The following RASGRP3 variants were observed in gnomAD, a reference collection of about 807,000 sequenced individuals.
The protein encoded by RASGRP3 is ras guanyl-releasing protein 3.
RASGRP3 carries 54 observed loss-of-function variants against 82.7 expected under a neutral mutation model. The observed-to-expected ratio is 0.65, with a 90% CI of 0.52 to 0.82. The LOEUF is 0.82. Among genes scored for constraint, RASGRP3 ranks in the 40% least tolerant of loss-of-function variants. The probability of loss-of-function intolerance (pLI) is 0.00; values close to 1 mark genes in which losing one functional copy is unlikely to be tolerated. For synonymous variants in RASGRP3, 309 were observed against 300.5 expected, an observed-to-expected ratio of 1.03 and a Z score of -0.29; for missense variants, 861 against 828.9, an observed-to-expected ratio of 1.04 and a Z score of -0.48.
chr2:33,527,304 G>T lies in RASGRP3; in HGVS notation c.975G>T (p.Val325=). Residue 325 remains valine (V), a synonymous_variant, in exon 10 of 18, where the codon GTG becomes GTT. Transcript: ENST00000403687. ...IFPDWTEENK[V]NIVKMHQLSV... is the part of the protein sequence containing the mutation. Reference sequence around the variant, plus strand: ...CAGACTGGACAGAGGAGAACAAAGTGAACATTGTGAAAATGCACCAGCTCT... The same window carrying T: ...CAGACTGGACAGAGGAGAACAAAGTTAACATTGTGAAAATGCACCAGCTCT... 1 of 1,613,908 alleles carries T rather than the reference G, an allele frequency of 6.2e-7. No homozygotes were observed. Among genetic ancestry groups the T allele is most frequent in the South Asian group, 1.1e-5 (1 of 91,064 alleles).
chr2:33,445,879 C>T (rs913112257), intron 1 of RASGRP3, among the ~76,000 whole-genome samples: 1 of 152,110 alleles, frequency 6.6e-6, no homozygotes, highest in Non-Finnish European at 1.5e-5. Flanking sequence ...CAGGGACAAG[C>T]GTAAGAGATA....
chr2:33,558,416 T>C, intron 16 of RASGRP3, 80 bp downstream of exon 16: 1 of 1,599,720 alleles, frequency 6.3e-7, no homozygotes. Context: ...AGGTTCTGGG[T>C]CTAAACCCGG....
chr2:33,525,713 A>AC (rs1672486298), intron 9 of RASGRP3, among the ~76,000 whole-genome samples: 1 of 148,884 alleles, frequency 6.7e-6, no homozygotes, highest in South Asian at 2.1e-4. Flanking sequence ...AAAAAAAAAA[A>AC]AAAAAAAAAA....
chr2:33,549,607 T>A lies in RASGRP3; in HGVS notation c.1398T>A (p.Asp466Glu). The A allele has an allele frequency of 6.2e-7, 1 of 1,612,054 alleles. No homozygotes were observed. Among genetic ancestry groups the A allele is most frequent in the Non-Finnish European group, 8.5e-7 (1 of 1,178,866 alleles). The change falls in exon 14 of 18, where the codon GAT becomes GAA. Residue 466 changes from aspartate (D) to glutamate (E), a missense_variant. Physicochemically the swap from Asp to Glu is conservative, Grantham distance 45. Transcript: ENST00000403687. ...DSFCVLDKDQ[D>E]GLISKDEMMA... The stretch of plus-strand genomic sequence containing the variant: ...CCTTCTTTGATTCTCTTAACAGGGA[T>A]GGCCTAATTAGTAAAGATGAAATGA...
At chr2:33,461,993 G>C (rs951751262) in intron 2 of RASGRP3, among the ~76,000 whole-genome samples, 17 of 152,234 alleles carry the variant, frequency 1.1e-4, no homozygotes, top group African/African-American at 4.1e-4. Flanking sequence ...CTTGCAGTTA[G>C]CTAGCTGGGT....
chr2:33,478,108 C>T (rs893774701), intron 1 of RASGRP3, among the ~76,000 whole-genome samples: 4 of 152,146 alleles, frequency 2.6e-5, no homozygotes, highest in Non-Finnish European at 4.4e-5. Flanking sequence ...CTTCTGCGAT[C>T]GAGTTTCCCT....
chr2:33,478,966 C>T (rs926460241), intron 1 of RASGRP3, among the ~76,000 whole-genome samples: 6 of 152,092 alleles, frequency 3.9e-5, no homozygotes, highest in Non-Finnish European at 4.4e-5. Flanking sequence ...CTTGACCATA[C>T]GTAACACAGA....
At chr2:33,458,925 G>A (rs1327428200) in intron 2 of RASGRP3, among the ~76,000 whole-genome samples, 1 of 151,886 alleles carries the variant, frequency 6.6e-6, no homozygotes, top group East Asian at 1.9e-4. Flanking sequence ...GACTAACTGG[G>A]GGCAAATAGA....
At chr2:33,548,877 T>C (rs1367613815) in intron 13 of RASGRP3, among the ~76,000 whole-genome samples, 1 of 152,094 alleles carries the variant, frequency 6.6e-6, no homozygotes, top group Non-Finnish European at 1.5e-5. Context: ...TTGGTAGAGA[T>C]GGGGTCTCAC....
chr2:33,510,986 G>T (rs1670872837), intron 1 of RASGRP3, among the ~76,000 whole-genome samples: 1 of 152,242 alleles, frequency 6.6e-6, no homozygotes, highest in South Asian at 2.1e-4. Context: ...GACAATAGAG[G>T]CTTCACAAGT....
Position 33,520,570 on chromosome 2 carries a change from T to C in RASGRP3, c.254T>C (p.Phe85Ser). 3 of 1,614,028 alleles carry C rather than the reference T, an allele frequency of 1.9e-6. No homozygotes were observed. The highest frequency in any genetic ancestry group is 2.5e-6 in the Non-Finnish European group (3 of 1,179,870). Residue 85 changes from phenylalanine to serine, a missense_variant, in exon 6 of 18, where the codon TTT (phenylalanine) becomes TCT (serine). Transcript: ENST00000403687. Reference protein sequence around the residue: ...CYFMRYWILKFPAEFNLDLGL... With the variant: ...CYFMRYWILKSPAEFNLDLGL... ...CCTTTCAGGTACTGGATTCTGAAGTTTCCTGCAGAGTTTAATTTGGATCTT... is the reference window on the plus strand; with the variant it reads ...CCTTTCAGGTACTGGATTCTGAAGTCTCCTGCAGAGTTTAATTTGGATCTT...
chr2:33,545,956 C>T (rs1674694574), intron 13 of RASGRP3, among the ~76,000 whole-genome samples: 1 of 152,072 alleles, frequency 6.6e-6, no homozygotes, highest in African/African-American at 2.4e-5. Flanking sequence ...GCATGCACCA[C>T]CACGCCAGGC....
intron 1 of RASGRP3, among the ~76,000 whole-genome samples, chr2:33,445,615 T>G (rs1361768269): frequency 6.6e-6 from 1 of 152,040 alleles, no homozygotes; most frequent in African/African-American, 2.4e-5. Flanking sequence ...TACAATGTAT[T>G]TATAATATAT....
exon 1 of RASGRP3, chr2:33,436,373 A>G (rs1004357593): frequency 1.3e-5 from 2 of 152,204 alleles, no homozygotes; most frequent in Non-Finnish European, 2.9e-5. Flanking sequence ...TAGCAGCTTC[A>G]ATGTTGTTGT....
chr2:33,448,790 C>T lies in RASGRP3; in HGVS notation c.-261+847C>T, dbSNP rs113739530. Among the ~76,000 whole-genome samples, 131 of 151,828 alleles carry T rather than the reference C, an allele frequency of 8.6e-4. 1 individual carries two copies. The highest frequency in any genetic ancestry group is 2.9e-3 in the African/African-American group (122 of 41,418). Reference sequence around the variant, plus strand: ...GTAATTAATACCACTGAATAGTACACGTAAAAATGGTCAAAATAGCAAATT... The same window carrying T: ...GTAATTAATACCACTGAATAGTACATGTAAAAATGGTCAAAATAGCAAATT... On this transcript the variant is annotated intron_variant, in intron 2 of 18. Coordinates refer to the RASGRP3 transcript ENST00000402538.
At chr2:33,549,079 G>A (rs1377313882) in intron 13 of RASGRP3, among the ~76,000 whole-genome samples, 3 of 152,196 alleles carry the variant, frequency 2.0e-5, no homozygotes, top group South Asian at 2.1e-4. Context: ...TCTGTGTGGA[G>A]TAGATCTGGA....
intron 1 of RASGRP3, among the ~76,000 whole-genome samples, chr2:33,503,816 A>G (rs564727663): frequency 2.0e-5 from 3 of 152,338 alleles, no homozygotes; most frequent in South Asian, 2.1e-4. Flanking sequence ...TTCAGTATCT[A>G]TATATACAAA....
chr2:33,470,850 T>G (rs1667020314), intron 2 of RASGRP3, among the ~76,000 whole-genome samples: 1 of 152,196 alleles, frequency 6.6e-6, no homozygotes, highest in Admixed American at 6.5e-5. Context: ...AATTTTAGTT[T>G]GTTCTATTGA....
At chr2:33,548,945 TCCCAA>T (rs1675107096) in intron 13 of RASGRP3, among the ~76,000 whole-genome samples, 1 of 152,144 alleles carries the variant, frequency 6.6e-6, no homozygotes, top group Admixed American at 6.5e-5. Context: ...CACCTTGGCC[TCCCAA>T]AGTGCTAGGA....
Sources: allele counts gnomAD v4.1 joint callset (sites outside exome capture counted in the v4.1 genomes callset), GRCh38; gene constraint gnomAD v4.1.1; transcripts MANE v1.5; gene names NCBI Gene and HGNC (gene_info 2026-07-23, HGNC 2026-07-21).